The following EIF2B3 variants were observed in gnomAD, a reference collection of about 807,000 sequenced individuals.
EIF2B3 encodes the protein eukaryotic translation initiation factor 2B subunit gamma, also known as translation initiation factor eIF2B subunit gamma.
Under a neutral mutation model 54.1 loss-of-function variants are expected in EIF2B3, and 20 were observed. The ratio of observed to expected loss-of-function variants is 0.37; its 90% confidence interval spans 0.26 to 0.54. EIF2B3 has a LOEUF of 0.54. EIF2B3 is among the 20% of genes least tolerant of loss of function. The pLI is 0.86. For missense variants in EIF2B3, 448 were observed against 547.8 expected (o/e 0.82, Z 1.82); for synonymous variants, 153 against 188.1 (o/e 0.81, Z 1.52).
At chr1:44,944,673 A>T (rs1644078236) in intron 3 of EIF2B3, among the ~76,000 whole-genome samples, 1 of 152,098 alleles carries the variant, frequency 6.6e-6, no homozygotes, top group South Asian at 2.1e-4. Flanking sequence ...AAATTTTTTA[A>T]AAGTTAGCCA....
chr1:44,976,879 G>A (rs866932268), intron 3 of EIF2B3, among the ~76,000 whole-genome samples: 1 of 152,186 alleles, frequency 6.6e-6, no homozygotes, highest in East Asian at 1.9e-4. Flanking sequence ...GGTTGACTCA[G>A]AAGATCAGAG....
chr1:44,957,256 A>AC (rs200947631), intron 3 of EIF2B3, among the ~76,000 whole-genome samples: 28,579 of 152,222 alleles, frequency 0.19, 2,845 homozygotes, highest in African/African-American at 0.23. Context: ...ACAGGGCAAG[A>AC]CCTAAAAGTT....
chr1:44,972,002 A>G (rs1644403355), intron 3 of EIF2B3, among the ~76,000 whole-genome samples: 1 of 152,158 alleles, frequency 6.6e-6, no homozygotes. Context: ...ATTGCACTCC[A>G]GCCTGGGCAA....
At chr1:44,872,917 T>C (rs150537880) in intron 10 of EIF2B3, among the ~76,000 whole-genome samples, 4 of 152,324 alleles carry the variant, frequency 2.6e-5, no homozygotes, top group South Asian at 2.1e-4. Flanking sequence ...GGTCTGTTAG[T>C]ATCTGATAAA....
At chr1:44,984,613 A>ATGCCTAGG (rs1427563414) in intron 1 of EIF2B3, among the ~76,000 whole-genome samples, 1 of 152,096 alleles carries the variant, frequency 6.6e-6, no homozygotes, top group African/African-American at 2.4e-5. Context: ...TAGAGCTAGA[A>ATGCCTAGG]TGCCTAGGTT....
chr1:44,974,544 A>G (rs1644434480), intron 3 of EIF2B3, among the ~76,000 whole-genome samples: 2 of 151,622 alleles, frequency 1.3e-5, no homozygotes, highest in South Asian at 4.2e-4. Flanking sequence ...CTAGTTACTT[A>G]GTTACTTGGG....
intron 10 of EIF2B3, among the ~76,000 whole-genome samples, chr1:44,863,422 A>G (rs1306016096): frequency 6.6e-6 from 1 of 152,064 alleles, no homozygotes; most frequent in African/African-American, 2.4e-5. Context: ...TTTGGTAGAG[A>G]TGGAATTTTG....
At chr1:44,860,268 G>A (rs1553167930) in intron 10 of EIF2B3, among the ~76,000 whole-genome samples, 1 of 152,110 alleles carries the variant, frequency 6.6e-6, no homozygotes, top group Non-Finnish European at 1.5e-5. Context: ...TCCTGCTTCA[G>A]CCCCCCAAGT....
intron 6 of EIF2B3, among the ~76,000 whole-genome samples, chr1:44,893,248 T>C (rs898391079): frequency 6.6e-6 from 1 of 152,182 alleles, no homozygotes; most frequent in Non-Finnish European, 1.5e-5. Context: ...TCATTTTGTA[T>C]GTGGCTTTAA....
intron 3 of EIF2B3, among the ~76,000 whole-genome samples, chr1:44,968,279 T>C (rs1001112688): frequency 1.3e-5 from 2 of 149,338 alleles, no homozygotes; most frequent in African/African-American, 5.0e-5. Flanking sequence ...GATGGGAGGA[T>C]GGCTTGAGCC....
intron 5 of EIF2B3, among the ~76,000 whole-genome samples, chr1:44,915,356 G>C (rs1643601226): frequency 6.6e-6 from 1 of 151,948 alleles, no homozygotes; most frequent in African/African-American, 2.4e-5. Flanking sequence ...CTGTCATCTA[G>C]GCTGGAATGC....
intron 3 of EIF2B3, among the ~76,000 whole-genome samples, chr1:44,953,178 C>T (rs1414927627): frequency 7.1e-6 from 1 of 140,758 alleles, no homozygotes; most frequent in East Asian, 2.1e-4. Flanking sequence ...CCAGAAAACA[C>T]ACAATTTATT....
chr1:44,961,199 A>C (rs1644281434), intron 3 of EIF2B3, among the ~76,000 whole-genome samples: 1 of 149,330 alleles, frequency 6.7e-6, no homozygotes, highest in African/African-American at 2.5e-5. Context: ...ATCAGCTGGG[A>C]GTGGTGGTGA....
chr1:44,954,931 A>G (rs1644205995), intron 3 of EIF2B3, among the ~76,000 whole-genome samples: 1 of 152,140 alleles, frequency 6.6e-6, no homozygotes, highest in South Asian at 2.1e-4. Context: ...TTTAGCATGA[A>G]GGGGTGTTGA....
At chr1:44,986,133 C>CTTTCTTTTTTTTT (rs1553182304) in intron 1 of EIF2B3, among the ~76,000 whole-genome samples, 1 of 93,536 alleles carries the variant, frequency 1.1e-5, no homozygotes, top group Non-Finnish European at 2.5e-5. Flanking sequence ...TCTTTCTTTT[C>CTTTCTTTTTTTTT]TTTTCTTTTT....
At chr1:44,915,396 C>T (rs1407072931) in intron 5 of EIF2B3, among the ~76,000 whole-genome samples, 3 of 152,100 alleles carry the variant, frequency 2.0e-5, no homozygotes, top group Non-Finnish European at 4.4e-5. Flanking sequence ...ACTGCAGCCT[C>T]GAACTCCCCG....
intron 3 of EIF2B3, among the ~76,000 whole-genome samples, chr1:44,950,044 A>AT (rs774320758): frequency 6.6e-6 from 1 of 152,062 alleles, no homozygotes; most frequent in Admixed American, 6.6e-5. Context: ...AAAACAAGAG[A>AT]TTTTTTTTGT....
intron 10 of EIF2B3, among the ~76,000 whole-genome samples, chr1:44,868,943 C>T (rs909679707): frequency 6.6e-6 from 1 of 152,194 alleles, no homozygotes; most frequent in African/African-American, 2.4e-5. Flanking sequence ...TCTAAGGCCT[C>T]ATCTCACACT....
At position 44,877,214 on chromosome 1, in the gene EIF2B3, A is replaced by AC. The variant is rs1557666571; in HGVS notation, c.976-1520_976-1519insG. ...CAATAAAAAAAAAAAAAAAAAAAAA[A>AC]AAAAAAAACACCTTAGGTAGAACCC... On this transcript the variant is annotated intron_variant, in intron 8 of 11. Transcript: ENST00000360403. Among the ~76,000 whole-genome samples the AC allele has an allele frequency of 2.1e-3, 313 of 148,550 alleles. 6 individuals are homozygous for AC. Among genetic ancestry groups the AC allele is most frequent in the African/African-American group, 7.6e-3 (299 of 39,424 alleles).
Sources: gnomAD v4.1 joint callset for allele counts (sites outside exome capture counted in the v4.1 genomes callset) on GRCh38, gnomAD v4.1.1 for gene constraint, MANE v1.5 for transcripts, NCBI Gene and HGNC (gene_info 2026-07-23, HGNC 2026-07-21) for gene names.